PIEZO1: variants seen among roughly 807,000 people sequenced by gnomAD.
The protein encoded by PIEZO1 is piezo-type mechanosensitive ion channel component 1.
PIEZO1 carries 296 observed loss-of-function variants against 297.2 expected under a neutral mutation model. The ratio of observed to expected loss-of-function variants is 1.00; its 90% CI spans 0.91 to 1.10. The LOEUF (loss-of-function observed/expected upper bound fraction) is 1.10. PIEZO1 is among the 50% of genes least tolerant of loss of function. The pLI, the probability that PIEZO1 is intolerant of heterozygous loss-of-function variation, is 0.00. For missense variants in PIEZO1, 5,018 were observed against 3,455.5 expected (o/e 1.45, Z -11.34); for synonymous variants, 2,427 against 1,507.5 (o/e 1.61, Z -14.13).
At chr16:88,744,901 G>A (rs555770850) in intron 2 of PIEZO1, among the ~76,000 whole-genome samples, 1 of 152,242 alleles carries the variant, frequency 6.6e-6, no homozygotes, top group African/African-American at 2.4e-5. Context: ...GGAACGTGCA[G>A]AGGGATCGAG....
At position 88,721,547 on chromosome 16, in the gene PIEZO1, G is replaced by A. The variant is rs1006619587; in HGVS notation, c.5394C>T (p.Ser1798=). 6 of 1,549,098 alleles carry A rather than the reference G, an allele frequency of 3.9e-6. No homozygotes were observed. The African/African-American group carries it at 8.2e-5, about 21-fold the overall frequency. The change falls in exon 38 of 51, where the codon TCC becomes TCT. Residue 1798 remains serine (S), a synonymous_variant. Coordinates refer to ENST00000301015, the MANE Select transcript of PIEZO1 (RefSeq NM_001142864.4). ...CAAGGCTCACACTCACCAGCAGCTG[G>A]GAGCGGTGGAAGAAAAGGGCCATGA... is the stretch of plus-strand genomic sequence containing the variant. ...VQLMALFFHR[S]QLLCYGLWDH...
intron 1 of PIEZO1, among the ~76,000 whole-genome samples, chr16:88,762,670 G>T (rs572110868): frequency 6.6e-6 from 1 of 152,206 alleles, no homozygotes; most frequent in Non-Finnish European, 1.5e-5. Flanking sequence ...GTGCTGTGTC[G>T]GCCCTGACCC....
chr16:88,763,508 T>A (rs750233860), intron 1 of PIEZO1, among the ~76,000 whole-genome samples: 18 of 152,130 alleles, frequency 1.2e-4, no homozygotes, highest in Non-Finnish European at 2.5e-4. Context: ...GAAGGCCTCA[T>A]CCCGATTTAA....
At chr16:88,753,881 G>A (rs1331358972) in intron 1 of PIEZO1, among the ~76,000 whole-genome samples, 1 of 152,228 alleles carries the variant, frequency 6.6e-6, no homozygotes, top group Admixed American at 6.5e-5. Context: ...TCGCAGATCA[G>A]GCTCAGGCAG....
rs757882562 is a variant in PIEZO1, at chr16:88,734,803, C to T, written c.1849-5G>A. On this transcript the variant is annotated splice_region_variant and splice_polypyrimidine_tract_variant and intron_variant, in intron 14 of 50. Coordinates refer to ENST00000301015, the MANE Select transcript of PIEZO1 (RefSeq NM_001142864.4). The stretch of plus-strand genomic sequence containing the variant: ...CCGCCACAGGCTGTAGTAGACCTGC[C>T]GGGTGAGGTGGGGGTGGTGAGGACC... The T allele has an allele frequency of 2.6e-5, 40 of 1,550,136 alleles. No homozygotes were observed. Among genetic ancestry groups the T allele is most frequent in the African/African-American group, 4.1e-5 (3 of 73,052 alleles).
At chr16:88,738,821 G>C in intron 5 of PIEZO1, 85 bp from the exon 6 acceptor site, 1 of 1,279,954 alleles carries the variant, frequency 7.8e-7, no homozygotes, top group Non-Finnish European at 1.1e-6. Flanking sequence ...CCAGGAGCGT[G>C]GGAGGCGGCC....
At position 88,732,694 on chromosome 16, in the gene PIEZO1, G is replaced by A. The variant is rs1417053368; in HGVS notation, c.2703C>T (p.Ile901=). The A allele has an allele frequency of 1.9e-6, 3 of 1,549,084 alleles. No homozygotes were observed. Among genetic ancestry groups the A allele is most frequent in the African/African-American group, 2.7e-5 (2 of 73,034 alleles). Residue 901 remains isoleucine, a synonymous_variant, in exon 20 of 51, where the codon ATC becomes ATT. Coordinates refer to ENST00000301015, the MANE Select transcript of PIEZO1 (RefSeq NM_001142864.4). ...GCCCCCGGTACAGCAGGGACTGGCT[G>A]ATCTCCGTGGGCAGCAAGTTGGTGC... ...PNSTNLLPTE[I]SQSLLYRGPV...
chr16:88,735,220 G>T lies in PIEZO1; in HGVS notation c.1584C>A (p.Leu528=). 2 of 1,550,388 alleles carry T rather than the reference G, an allele frequency of 1.3e-6. No homozygotes were observed. Among genetic ancestry groups the T allele is most frequent in the South Asian group, 1.2e-5 (1 of 84,064 alleles). ...AMLLYTLTFW[L]LLRQFVKEKL... ...TCTCTTTCACAAACTGGCGCAGCAG[G>T]AGCCAGAAGGTCAGGGTGTAGAGCA... Residue 528 remains leucine, a synonymous_variant, in exon 13 of 51, where the codon CTC becomes CTA. Coordinates refer to ENST00000301015, the MANE Select transcript of PIEZO1 (RefSeq NM_001142864.4).
At chr16:88,719,499 G>T (rs1912273770) in intron 44 of PIEZO1, 75 bp downstream of exon 44, 1 of 1,403,914 alleles carries the variant, frequency 7.1e-7, no homozygotes, top group Non-Finnish European at 9.8e-7. Context: ...GGGTTCTCGT[G>T]GCAGCAGTGC....
intron 1 of PIEZO1, among the ~76,000 whole-genome samples, chr16:88,768,657 G>C (rs1229256476): frequency 4.6e-5 from 7 of 152,222 alleles, no homozygotes; most frequent in Non-Finnish European, 2.9e-5. Flanking sequence ...TTCCCTCTCA[G>C]CCGCTCCTCC....
intron 2 of PIEZO1, chr16:88,743,274 C>T (rs1323599745): frequency 4.4e-6 from 2 of 456,386 alleles, no homozygotes; most frequent in Non-Finnish European, 8.8e-6. Context: ...GGACAGCTCA[C>T]CCTTCAGCAG....
chr16:88,722,828 C>A lies in PIEZO1; in HGVS notation c.4668+9G>T. 6.5e-7 allele frequency: 1 copy of A among 1,543,524 alleles called. No individual in the cohort carries two copies. On this transcript the variant is annotated intron_variant, in intron 34 of 50. Transcript: ENST00000301015. ...AGCAGGGACGAGCGTGGTGCACGGG[C>A]AGGCTCACCTGCAGGAGCTCCTGTG...
rs756534418 is a variant in PIEZO1, at chr16:88,726,384, C to G, written c.3868G>C (p.Val1290Leu). The G allele has an allele frequency of 6.4e-7, 1 of 1,550,450 alleles. No homozygotes were observed. The highest frequency in any genetic ancestry group is 8.7e-7 in the Non-Finnish European group (1 of 1,146,898). Reference sequence around the variant, plus strand: ...TGCAGCAGCAGGAAGAAGAAGCAGACGCTGTCCCAGATGATGCCAGCCTCC... The same window carrying G: ...TGCAGCAGCAGGAAGAAGAAGCAGAGGCTGTCCCAGATGATGCCAGCCTCC... ...VEEAGIIWDS[V>L]CFFFLLLQRR... Residue 1290 changes from valine (V) to leucine (L), a missense_variant, in exon 27 of 51, where the codon GTC becomes CTC. Coordinates refer to ENST00000301015, the MANE Select transcript of PIEZO1 (RefSeq NM_001142864.4).
Position 88,778,541 on chromosome 16 carries a change from G to A in PIEZO1, c.64+6360C>T, listed in dbSNP as rs1437307455. The stretch of plus-strand genomic sequence containing the variant: ...GGCAAAGGTTCCTGAGACAACGGCG[G>A]GGAATCGGGTGGCCACGCACGTCGG... On this transcript the variant is annotated intron_variant, in intron 1 of 50. Transcript: ENST00000301015. 4.6e-5 allele frequency among the ~76,000 whole-genome samples: 7 copies of A among 152,338 alleles called. No individual in the cohort carries two copies. In the South Asian group the frequency reaches 1.2e-3, roughly 27 times the overall value.
intron 11 of PIEZO1, 65 bp from the exon 12 acceptor site, chr16:88,736,473 C>A: frequency 1.2e-6 from 1 of 832,564 alleles, no homozygotes; most frequent in Non-Finnish European, 1.9e-6. Flanking sequence ...CCCACACCTG[C>A]GCGGCAGAGG....
rs768938058 is a variant in PIEZO1, at chr16:88,737,693, C to T, written c.1107+35G>A. ...CCATGCACGGGCTGGCCGGGCGCCC[C>T]CCACGCTGGCGTCTCCACCTGCCTG... On this transcript the variant is annotated intron_variant, in intron 9 of 50. Transcript: ENST00000301015. 85 of 1,533,418 alleles carry T rather than the reference C, an allele frequency of 5.5e-5. 2 individuals are homozygous for T. The highest frequency in any genetic ancestry group is 3.3e-4 in the Admixed American group (17 of 50,976). The allele number at this position is 1,533,418 out of a possible 1,614,324, so 95.0% of individuals were successfully genotyped here.
Position 88,716,938 on chromosome 16 carries a change from G to C in PIEZO1, c.6661-40C>G, listed in dbSNP as rs746664158. On this transcript the variant is annotated intron_variant, in intron 45 of 50. Coordinates refer to ENST00000301015, the MANE Select transcript of PIEZO1 (RefSeq NM_001142864.4). ...GGGACACGGGGCCACGAAGATGAGC[G>C]TGGAGGAGCGGCTGGGGGTGGTGCA... is the stretch of plus-strand genomic sequence containing the variant. 1.9e-6 allele frequency: 3 copies of C among 1,546,460 alleles called. No homozygotes were observed. The South Asian group carries it at 3.6e-5, about 18-fold the overall frequency.
At chr16:88,716,992 G>A (rs1021053851) in intron 45 of PIEZO1, 31 bp downstream of exon 45, 1 of 1,548,602 alleles carries the variant, frequency 6.5e-7, no homozygotes, top group Non-Finnish European at 8.7e-7. Context: ...CCAGGGGATG[G>A]GAATGGACAG....
In PIEZO1 at chr16:88,735,278, G is replaced by A. The variant is rs571857092; in HGVS notation, c.1558-32C>T. The A allele has an allele frequency of 2.9e-4, 427 of 1,456,556 alleles. 5 individuals are homozygous for A. In the Middle Eastern group the frequency reaches 3.3e-3, roughly 11 times the overall value. The allele number at this position is 1,456,556 out of a possible 1,614,324, so 90.2% of individuals were successfully genotyped here. ...CAAGCGCAGGGTGTCACAGTCAGCCGGGGGGCCCAGCACCCCTCCCACAGC... is the reference window on the plus strand; with the variant it reads ...CAAGCGCAGGGTGTCACAGTCAGCCAGGGGGCCCAGCACCCCTCCCACAGC... On this transcript the variant is annotated intron_variant, in intron 12 of 50. Transcript: ENST00000301015.
Sources: gnomAD v4.1 joint callset for allele counts (sites outside exome capture counted in the v4.1 genomes callset) on GRCh38, gnomAD v4.1.1 for gene constraint, MANE v1.5 for transcripts, NCBI Gene and HGNC (gene_info 2026-07-23, HGNC 2026-07-21) for gene names.